The following RALGAPA1 variants were observed in gnomAD, a reference collection of about 807,000 sequenced individuals.
The protein encoded by RALGAPA1 is ral GTPase-activating protein subunit alpha-1.
Under a neutral mutation model 269.6 loss-of-function variants are expected in RALGAPA1, and 52 were observed. That is an observed-to-expected ratio of 0.19 (90% CI 0.15 to 0.24). RALGAPA1 has a LOEUF of 0.24. Ranked by LOEUF, RALGAPA1 falls within the 10% of genes least tolerant of loss-of-function variation. The pLI, the probability that RALGAPA1 is intolerant of heterozygous loss-of-function variation, is 1.00. For synonymous variants in RALGAPA1, 817 were observed against 1,008.3 expected (o/e 0.81, Z 3.60); for missense variants, 1,917 against 3,013.9 (o/e 0.64, Z 8.52).
chr14:35,612,450 G>T (rs1456221013), intron 35 of RALGAPA1, among the ~76,000 whole-genome samples: 1 of 148,950 alleles, frequency 6.7e-6, no homozygotes, highest in African/African-American at 2.5e-5. Context: ...AATCAAAAAT[G>T]TAAGGGCGGA....
At chr14:35,703,634 T>G (rs2067551959) in intron 16 of RALGAPA1, among the ~76,000 whole-genome samples, 1 of 152,190 alleles carries the variant, frequency 6.6e-6, no homozygotes, top group Admixed American at 6.6e-5. Context: ...AGAAAATTAT[T>G]TACAATGAAT....
intron 8 of RALGAPA1, among the ~76,000 whole-genome samples, chr14:35,751,565 C>T (rs1482144100): frequency 6.6e-6 from 1 of 151,952 alleles, no homozygotes; most frequent in Non-Finnish European, 1.5e-5. Context: ...AGGAGGATCA[C>T]TTGAAGCCAG....
chr14:35,690,079 T>A, intron 17 of RALGAPA1, 76 bp from the exon 18 acceptor site: 1 of 1,076,604 alleles, frequency 9.3e-7, no homozygotes, highest in Non-Finnish European at 1.3e-6. Flanking sequence ...AATAATGCTC[T>A]AAAGCATATG....
intron 7 of RALGAPA1, among the ~76,000 whole-genome samples, chr14:35,755,916 C>G (rs1240865512): frequency 6.6e-6 from 1 of 152,134 alleles, no homozygotes; most frequent in Non-Finnish European, 1.5e-5. Context: ...GCGTTTTCAT[C>G]AGTCAATCAG....
At chr14:35,691,848 A>T (rs898448560) in intron 17 of RALGAPA1, among the ~76,000 whole-genome samples, 1 of 152,140 alleles carries the variant, frequency 6.6e-6, no homozygotes, top group Non-Finnish European at 1.5e-5. Flanking sequence ...CTGAAGCTGA[A>T]ACAATTAACT....
At chr14:35,714,724 A>G (rs1304333914) in intron 16 of RALGAPA1, among the ~76,000 whole-genome samples, 1 of 152,144 alleles carries the variant, frequency 6.6e-6, no homozygotes, top group Non-Finnish European at 1.5e-5. Flanking sequence ...TCCTTCTTGC[A>G]TCTCGGACTT....
chr14:35,624,677 T>C (rs1022784148), intron 35 of RALGAPA1, among the ~76,000 whole-genome samples: 7 of 151,932 alleles, frequency 4.6e-5, no homozygotes, highest in African/African-American at 1.7e-4. Context: ...GAGAGGAAGA[T>C]ATAGAATTGT....
chr14:35,685,673 G>A (rs887394883), intron 19 of RALGAPA1, among the ~76,000 whole-genome samples: 2 of 152,284 alleles, frequency 1.3e-5, no homozygotes, highest in East Asian at 1.9e-4. Flanking sequence ...GGAGGCTGAG[G>A]TGGGCAGATC....
intron 1 of RALGAPA1, among the ~76,000 whole-genome samples, chr14:35,803,583 CT>C (rs1215083906): frequency 6.6e-6 from 1 of 151,736 alleles, no homozygotes. Flanking sequence ...AAAAAAAAAT[CT>C]TTGCAAATCA....
rs571574694 is a variant in RALGAPA1, at chr14:35,708,603, T to C, written c.2267-8301A>G. 2.6e-5 allele frequency among the ~76,000 whole-genome samples: 4 copies of C among 152,180 alleles called. No individual in the cohort carries two copies. In the South Asian group the frequency reaches 8.3e-4, roughly 32 times the overall value. ...TATCCAAAAGACAGGCAATAACAAATGCTGGCCAGGATGTGAAGAAAAGGG... is the reference window on the plus strand; with the variant it reads ...TATCCAAAAGACAGGCAATAACAAACGCTGGCCAGGATGTGAAGAAAAGGG... On this transcript the variant is annotated intron_variant, in intron 16 of 41. Transcript: ENST00000680220.
chr14:35,783,743 T>C (rs1471750125), intron 1 of RALGAPA1, among the ~76,000 whole-genome samples: 1 of 152,188 alleles, frequency 6.6e-6, no homozygotes, highest in Non-Finnish European at 1.5e-5. Context: ...AAATTTTTAA[T>C]GGTCAAAGGA....
intron 27 of RALGAPA1, 38 bp from the exon 28 acceptor site, chr14:35,659,234 G>GTGAA: frequency 2.1e-6 from 3 of 1,451,498 alleles, no homozygotes; most frequent in Non-Finnish European, 2.9e-6. Flanking sequence ...CAATGACTGA[G>GTGAA]ATTTCACTCA....
chr14:35,677,436 T>A (rs2065043041), intron 22 of RALGAPA1: 1 of 153,712 alleles, frequency 6.5e-6, no homozygotes, highest in Non-Finnish European at 1.4e-5. Context: ...GTTACTTAGG[T>A]TTCCCAAGTC....
At chr14:35,674,740 T>C (rs1194656090) in intron 22 of RALGAPA1, 31 bp from the exon 23 acceptor site, 1 of 1,202,802 alleles carries the variant, frequency 8.3e-7, no homozygotes, top group South Asian at 1.5e-5. Flanking sequence ...TGTCAGCCAT[T>C]TTTCAGTGAA....
At position 35,618,989 on chromosome 14, in the gene RALGAPA1, T is replaced by C. The variant is rs1465012475; in HGVS notation, c.6929+6372A>G. On this transcript the variant is annotated intron_variant, in intron 35 of 41. Coordinates refer to ENST00000680220, the MANE Select transcript of RALGAPA1 (RefSeq NM_001346249.2). Reference sequence around the variant, plus strand: ...ATATCCAATCAAATACCAATGGGATTTTTTTTTCTGAAAAACAACAGCATA... The same window carrying C: ...ATATCCAATCAAATACCAATGGGATCTTTTTTTCTGAAAAACAACAGCATA... Among the ~76,000 whole-genome samples, 11 of 151,968 alleles carry C rather than the reference T, an allele frequency of 7.2e-5. No homozygotes were observed. In the South Asian group the frequency reaches 1.2e-3, roughly 17 times the overall value.
chr14:35,802,191 C>T (rs1367835092), intron 1 of RALGAPA1, among the ~76,000 whole-genome samples: 3 of 152,080 alleles, frequency 2.0e-5, no homozygotes, highest in South Asian at 4.1e-4. Context: ...GCCTGTAATC[C>T]CAGCCACTCA....
chr14:35,770,778 T>C (rs750195382), intron 4 of RALGAPA1, among the ~76,000 whole-genome samples, 164 bp downstream of exon 4: 1 of 152,330 alleles, frequency 6.6e-6, no homozygotes, highest in South Asian at 2.1e-4. Flanking sequence ...AAATCCTTCA[T>C]CTATAATTTT....
At chr14:35,776,737 G>C (rs1292225964) in intron 1 of RALGAPA1, among the ~76,000 whole-genome samples, 1 of 152,188 alleles carries the variant, frequency 6.6e-6, no homozygotes, top group Non-Finnish European at 1.5e-5. Context: ...TAGACATAAA[G>C]TGGTGGAGTT....
At chr14:35,726,339 A>C (rs920070431) in intron 13 of RALGAPA1, among the ~76,000 whole-genome samples, 1 of 152,256 alleles carries the variant, frequency 6.6e-6, no homozygotes, top group Non-Finnish European at 1.5e-5. Context: ...GCTTAGCTAC[A>C]TGAAATAAAA....
Sources: gnomAD v4.1 joint callset for allele counts (sites outside exome capture counted in the v4.1 genomes callset) on GRCh38, gnomAD v4.1.1 for gene constraint, MANE v1.5 for transcripts, NCBI Gene and HGNC (gene_info 2026-07-23, HGNC 2026-07-21) for gene names.